The following BTBD9 variants were observed in gnomAD, a reference collection of about 807,000 sequenced individuals.
The protein encoded by BTBD9 is BTB/POZ domain-containing protein 9.
In BTBD9, 49 loss-of-function variants were observed where a neutral mutation model predicts 64.3. The observed-to-expected ratio is 0.76, with a 90% CI of 0.61 to 0.97. BTBD9 has a LOEUF of 0.97. BTBD9 is among the 50% of genes least tolerant of loss of function. BTBD9 has a pLI of 0.00. For synonymous variants in BTBD9, 260 were observed against 274.7 expected (o/e 0.95, Z 0.53); for missense variants, 598 against 762.1 (o/e 0.78, Z 2.53).
At chr6:38,560,944 T>C (rs1293360956) in intron 6 of BTBD9, among the ~76,000 whole-genome samples, 1 of 152,240 alleles carries the variant, frequency 6.6e-6, no homozygotes, top group Non-Finnish European at 1.5e-5. Flanking sequence ...TAGTATTCCA[T>C]GGTGTATATG....
At chr6:38,201,407 G>T (rs571583298) in intron 9 of BTBD9, among the ~76,000 whole-genome samples, 26 of 152,188 alleles carry the variant, frequency 1.7e-4, no homozygotes, top group Middle Eastern at 3.4e-3. Context: ...TTCATAATAA[G>T]AAGTCTCAAC....
chr6:38,230,189 G>A (rs115987283), intron 9 of BTBD9, among the ~76,000 whole-genome samples: 1 of 152,058 alleles, frequency 6.6e-6, no homozygotes, highest in Non-Finnish European at 1.5e-5. Flanking sequence ...CAACCAGAAT[G>A]AACTTTAAAA....
At position 38,184,695 on chromosome 6, in the gene BTBD9, G is replaced by C. The variant is rs1167807785; in HGVS notation, c.1641+7824C>G. On this transcript the variant is annotated intron_variant, in intron 10 of 10. Coordinates refer to ENST00000481247, the MANE Select transcript of BTBD9 (RefSeq NM_001099272.2). This position sits in a 1 kb window ranked among gnomAD's most constrained non-coding sequence, Gnocchi z 4.4. ...CCGGGGAAATCCTCGGGGGGCCAGA[G>C]AGAGTGGAATCAGACCTGGGGCAGG... Among the ~76,000 whole-genome samples, 2 of 152,208 alleles carry C rather than the reference G, an allele frequency of 1.3e-5. No homozygotes were observed. Among genetic ancestry groups the C allele is most frequent in the African/African-American group, 4.8e-5 (2 of 41,452 alleles).
intron 6 of BTBD9, among the ~76,000 whole-genome samples, chr6:38,419,337 T>C (rs1289387199): frequency 6.6e-6 from 1 of 152,232 alleles, no homozygotes; most frequent in African/African-American, 2.4e-5. Context: ...TGTGGCACTG[T>C]AAATCACTGA....
chr6:38,358,090 T>G (rs952983509), intron 6 of BTBD9, among the ~76,000 whole-genome samples: 1 of 151,952 alleles, frequency 6.6e-6, no homozygotes, highest in Non-Finnish European at 1.5e-5. Context: ...ATAAAATAAC[T>G]CAGCTCATCC....
intron 6 of BTBD9, among the ~76,000 whole-genome samples, chr6:38,419,106 G>A (rs1299430260): frequency 6.6e-6 from 1 of 152,170 alleles, no homozygotes; most frequent in African/African-American, 2.4e-5. Context: ...TGTATTTAAG[G>A]AAAATAAACA....
chr6:38,568,059 A>G (rs1170430874), intron 6 of BTBD9, among the ~76,000 whole-genome samples: 1 of 152,216 alleles, frequency 6.6e-6, no homozygotes, highest in Non-Finnish European at 1.5e-5. Context: ...AATGATTTCA[A>G]AAGTATACAA....
At position 38,592,708 on chromosome 6, in the gene BTBD9, G is replaced by A. The variant is rs775328708; in HGVS notation, c.682C>T (p.Pro228Ser). Residue 228 changes from proline (P) to serine (S), a missense_variant, in exon 4 of 11, where the codon CCT (proline) becomes TCT (serine). Physicochemically the swap from Pro to Ser is moderately conservative, Grantham distance 74. Transcript: ENST00000481247. ...AGAAGCTCTGTGAGGCTCATGAGAG[G>A]TAAACGCACAGCCTGCATGATTTCA... ...HAEIMQAVRL[P>S]LMSLTELLNV... 1.2e-6 allele frequency: 2 copies of A among 1,614,190 alleles called. No homozygotes were observed. Among genetic ancestry groups the A allele is most frequent in the South Asian group, 2.2e-5 (2 of 91,080 alleles).
Position 38,174,936 on chromosome 6 carries a change from T to C in BTBD9, c.*49A>G. The C allele has an allele frequency of 1.2e-6, 2 of 1,600,680 alleles. No homozygotes were observed. Among genetic ancestry groups the C allele is most frequent in the Non-Finnish European group, 1.7e-6 (2 of 1,173,196 alleles). On this transcript the variant is annotated 3_prime_UTR_variant, in exon 11 of 11. Coordinates refer to ENST00000481247, the MANE Select transcript of BTBD9 (RefSeq NM_001099272.2). ...ACCCCTGCTCAGGGAGGAGACCGTT[T>C]CCTGCCGTTGCCCGAGCCCACCAAG... is the stretch of plus-strand genomic sequence containing the variant.
intron 6 of BTBD9, among the ~76,000 whole-genome samples, chr6:38,543,165 G>A (rs1253379266): frequency 1.3e-5 from 2 of 152,182 alleles, no homozygotes; most frequent in East Asian, 3.9e-4. Context: ...TATCCACATG[G>A]GTGACTCTTC....
At chr6:38,512,984 A>G (rs1772841068) in intron 6 of BTBD9, among the ~76,000 whole-genome samples, 1 of 152,206 alleles carries the variant, frequency 6.6e-6, no homozygotes, top group Admixed American at 6.5e-5. Context: ...GCTAACAAGT[A>G]CAGAGGTTCT....
intron 7 of BTBD9, among the ~76,000 whole-genome samples, chr6:38,295,446 A>T (rs1467396648): frequency 6.6e-6 from 1 of 152,154 alleles, no homozygotes; most frequent in Non-Finnish European, 1.5e-5. Flanking sequence ...GGTTATAGGC[A>T]TGAGCCACCA....
At chr6:38,506,040 C>G (rs1430318085) in intron 6 of BTBD9, among the ~76,000 whole-genome samples, 3 of 148,990 alleles carry the variant, frequency 2.0e-5, no homozygotes, top group African/African-American at 7.4e-5. Context: ...AACTCTGGGT[C>G]CCTCTCATTT....
At chr6:38,514,267 A>G (rs1772910778) in intron 6 of BTBD9, among the ~76,000 whole-genome samples, 2 of 152,230 alleles carry the variant, frequency 1.3e-5, no homozygotes, top group African/African-American at 4.8e-5. Context: ...ATAAACTACA[A>G]TGCTCTACAG....
At chr6:38,371,631 A>G (rs1378665611) in intron 6 of BTBD9, among the ~76,000 whole-genome samples, 3 of 152,158 alleles carry the variant, frequency 2.0e-5, no homozygotes, top group Non-Finnish European at 4.4e-5. Flanking sequence ...GTGTTTTCCT[A>G]AAGCAATAGA....
At chr6:38,356,250 C>A (rs1364720171) in intron 6 of BTBD9, among the ~76,000 whole-genome samples, 2 of 152,084 alleles carry the variant, frequency 1.3e-5, no homozygotes, top group Non-Finnish European at 2.9e-5. Context: ...ATTTTGAAAC[C>A]CATGTTTTCA....
chr6:38,336,251 T>C (rs1015501037), intron 7 of BTBD9, among the ~76,000 whole-genome samples: 10 of 152,212 alleles, frequency 6.6e-5, no homozygotes, highest in Non-Finnish European at 1.5e-4. Flanking sequence ...ACTGACCATT[T>C]TGTGTGAATC....
intron 6 of BTBD9, among the ~76,000 whole-genome samples, chr6:38,458,143 C>T (rs72852659): frequency 0.05 from 7,597 of 152,046 alleles, 277 homozygotes; most frequent in Middle Eastern, 0.14. Context: ...TCCTATAACA[C>T]GATTGGAAAA....
intron 9 of BTBD9, among the ~76,000 whole-genome samples, chr6:38,199,219 T>G (rs1345758627): frequency 6.6e-6 from 1 of 152,120 alleles, no homozygotes; most frequent in Non-Finnish European, 1.5e-5. Flanking sequence ...GCAAAGGAGT[T>G]ACATGGAAGT....
Sources: gnomAD v4.1 joint callset for allele counts (sites outside exome capture counted in the v4.1 genomes callset) on GRCh38, gnomAD v4.1.1 for gene constraint, Gnocchi (gnomAD v3.1) non-coding constraint, MANE v1.5 for transcripts, NCBI Gene and HGNC (gene_info 2026-07-23, HGNC 2026-07-21) for gene names.